The following DRC11 variants were observed in gnomAD, a reference collection of about 807,000 sequenced individuals.
DRC11 encodes the protein dynein regulatory complex subunit 11, also known as IQ and AAA domain-containing protein 1.
At chr2:236,336,302 A>G in the DRC11 span, among the ~76,000 whole-genome samples, 1 of 152,194 alleles carries the variant, frequency 6.6e-6, no homozygotes, top group Non-Finnish European at 1.5e-5. The surrounding 1 kb of genome is among the most constrained non-coding windows in gnomAD (Gnocchi z 7.3). Flanking sequence ...GCAACTTACG[A>G]ACAGCCAGAG....
At chr2:236,436,600 T>A in the DRC11 span, among the ~76,000 whole-genome samples, 1 of 152,140 alleles carries the variant, frequency 6.6e-6, no homozygotes, top group African/African-American at 2.4e-5. Flanking sequence ...TCCTTCCCCA[T>A]TTATTTGGAA....
chr2:236,367,023 T>C, the DRC11 span, among the ~76,000 whole-genome samples: 1 of 145,180 alleles, frequency 6.9e-6, no homozygotes, highest in Non-Finnish European at 1.5e-5. This position sits in a 1 kb window ranked among gnomAD's most constrained non-coding sequence, Gnocchi z 4.8. Flanking sequence ...GGTTTCACCA[T>C]GTTGGCCAGG....
At chr2:236,497,091 G>A in the DRC11 span, 1 of 1,159,792 alleles carries the variant, frequency 8.6e-7, no homozygotes, top group Non-Finnish European at 1.2e-6. This position sits in a 1 kb window ranked among gnomAD's most constrained non-coding sequence, Gnocchi z 5.1. Context: ...AGAGTATCGT[G>A]TACAGATATC....
chr2:236,354,804 C>T, the DRC11 span, among the ~76,000 whole-genome samples: 1 of 152,152 alleles, frequency 6.6e-6, no homozygotes, highest in Admixed American at 6.5e-5. Context: ...CCTCCACAGC[C>T]TGATGCCCTC....
the DRC11 span, among the ~76,000 whole-genome samples, chr2:236,365,027 G>A: frequency 7.8e-3 from 1,192 of 152,204 alleles, 15 homozygotes; most frequent in African/African-American, 0.028. The surrounding 1 kb of genome is among the most constrained non-coding windows in gnomAD (Gnocchi z 7.4). Context: ...TGGGATAAAG[G>A]AGAGACTCTT....
At chr2:236,324,528 T>C in the DRC11 span, 12 of 558,224 alleles carry the variant, frequency 2.1e-5, no homozygotes, top group Non-Finnish European at 3.8e-5. This position sits in a 1 kb window ranked among gnomAD's most constrained non-coding sequence, Gnocchi z 5.7. Context: ...CGGCATCAGC[T>C]CACCTGCACA....
chr2:236,362,466 T>C, the DRC11 span, among the ~76,000 whole-genome samples: 1 of 152,316 alleles, frequency 6.6e-6, no homozygotes, highest in African/African-American at 2.4e-5. This position sits in a 1 kb window ranked among gnomAD's most constrained non-coding sequence, Gnocchi z 5.7. Context: ...GATTTTTCCT[T>C]CTTTATGGTT....
chr2:236,397,083 C>T, the DRC11 span, among the ~76,000 whole-genome samples: 1 of 152,334 alleles, frequency 6.6e-6, no homozygotes, highest in East Asian at 1.9e-4. This position sits in a 1 kb window ranked among gnomAD's most constrained non-coding sequence, Gnocchi z 5.0. Flanking sequence ...GGAGGTGGAG[C>T]GTGCCCAGCC....
the DRC11 span, among the ~76,000 whole-genome samples, chr2:236,394,103 ACAGGGTCTTAGCCTACCT>A: frequency 6.6e-6 from 1 of 152,190 alleles, no homozygotes; most frequent in Non-Finnish European, 1.5e-5. The surrounding 1 kb of genome is among the most constrained non-coding windows in gnomAD (Gnocchi z 7.0). Flanking sequence ...AGAGCATCTC[ACAGGGTCTTAGCCTACCT>A]CATTGACACT....
chr2:236,311,235 G>C, the DRC11 span, among the ~76,000 whole-genome samples: 4 of 152,266 alleles, frequency 2.6e-5, no homozygotes, highest in East Asian at 5.8e-4. This position sits in a 1 kb window ranked among gnomAD's most constrained non-coding sequence, Gnocchi z 6.9. Flanking sequence ...ATATACACTC[G>C]AGCCTGGCCA....
the DRC11 span, among the ~76,000 whole-genome samples, chr2:236,463,663 T>A: frequency 6.6e-6 from 1 of 152,220 alleles, no homozygotes; most frequent in Non-Finnish European, 1.5e-5. This position sits in a 1 kb window ranked among gnomAD's most constrained non-coding sequence, Gnocchi z 5.0. Flanking sequence ...TATAGTAGTT[T>A]AGGTTTTTGT....
At chr2:236,471,520 T>C in the DRC11 span, among the ~76,000 whole-genome samples, 3 of 152,352 alleles carry the variant, frequency 2.0e-5, no homozygotes, top group East Asian at 3.9e-4. The surrounding 1 kb of genome is among the most constrained non-coding windows in gnomAD (Gnocchi z 4.6). Context: ...GACTTTTGAA[T>C]TATGAATGAT....
At chr2:236,443,174 G>A in the DRC11 span, among the ~76,000 whole-genome samples, 8 of 152,208 alleles carry the variant, frequency 5.3e-5, no homozygotes, top group South Asian at 1.7e-3. This position sits in a 1 kb window ranked among gnomAD's most constrained non-coding sequence, Gnocchi z 4.4. Context: ...AATAAAAGTC[G>A]AAGGAAAAAT....
the DRC11 span, among the ~76,000 whole-genome samples, chr2:236,416,559 G>A: frequency 2.6e-5 from 4 of 151,426 alleles, no homozygotes; most frequent in African/African-American, 9.7e-5. Flanking sequence ...GTTAAAGAAA[G>A]GGATGAAGAC....
the DRC11 span, among the ~76,000 whole-genome samples, chr2:236,379,908 C>G: frequency 1.3e-5 from 2 of 152,000 alleles, no homozygotes; most frequent in Non-Finnish European, 2.9e-5. Context: ...GGGAGGGAAC[C>G]CCCAACAGTG....
At chr2:236,325,598 CT>C in the DRC11 span, among the ~76,000 whole-genome samples, 16,147 of 141,962 alleles carry the variant, frequency 0.11, 2,037 homozygotes, top group African/African-American at 0.32. This position sits in a 1 kb window ranked among gnomAD's most constrained non-coding sequence, Gnocchi z 4.4. Flanking sequence ...CTTTGTATGT[CT>C]TTTTTTTTTT....
At chr2:236,495,556 T>C in the DRC11 span, among the ~76,000 whole-genome samples, 530 of 152,222 alleles carry the variant, frequency 3.5e-3, 2 homozygotes, top group Non-Finnish European at 6.3e-3. The surrounding 1 kb of genome is among the most constrained non-coding windows in gnomAD (Gnocchi z 5.6). Flanking sequence ...TGTCTCTCTA[T>C]GAGGTGGGCC....
At chr2:236,332,137 T>C in the DRC11 span, 3 of 155,780 alleles carry the variant, frequency 1.9e-5, no homozygotes, top group Admixed American at 6.2e-5. This position sits in a 1 kb window ranked among gnomAD's most constrained non-coding sequence, Gnocchi z 5.1. Context: ...TTTTATTAAA[T>C]AGAGCAATTT....
chr2:236,428,520 A>C, the DRC11 span, among the ~76,000 whole-genome samples: 1 of 152,146 alleles, frequency 6.6e-6, no homozygotes, highest in Non-Finnish European at 1.5e-5. Flanking sequence ...TTTTTGACTT[A>C]AAGTATATTT....
Sources: gnomAD v4.1 joint callset for allele counts (sites outside exome capture counted in the v4.1 genomes callset) on GRCh38, gnomAD v4.1.1 for gene constraint, Gnocchi (gnomAD v3.1) non-coding constraint, MANE v1.5 for transcripts, NCBI Gene and HGNC (gene_info 2026-07-23, HGNC 2026-07-21) for gene names.